CUX1: variants seen among roughly 807,000 people sequenced by gnomAD.
CUX1 encodes protein CASP.
A neutral mutation model predicts 158.8 loss-of-function variants in CUX1; 31 were observed. That is an observed-to-expected ratio of 0.20 (90% confidence interval 0.15 to 0.26). CUX1 has a LOEUF of 0.26. Ranked by LOEUF, CUX1 falls within the 10% of genes least tolerant of loss-of-function variation. The probability of loss-of-function intolerance (pLI) is 1.00; values close to 1 mark genes in which losing one functional copy is unlikely to be tolerated. For synonymous variants in CUX1, 879 were observed against 862.1 expected (o/e 1.02, Z -0.34); for missense variants, 1,589 against 2,014.6 (o/e 0.79, Z 4.04).
chr7:101,977,965 GT>G (rs1270750003), intron 2 of CUX1, among the ~76,000 whole-genome samples: 6 of 147,724 alleles, frequency 4.1e-5, no homozygotes, highest in Non-Finnish European at 7.5e-5. Flanking sequence ...TTCTTAAAAC[GT>G]TTTTTTTTTC....
chr7:102,220,013 G>C (rs782463010), intron 20 of CUX1, among the ~76,000 whole-genome samples: 9 of 152,192 alleles, frequency 5.9e-5, no homozygotes, highest in Non-Finnish European at 1.0e-4. Flanking sequence ...GGTCATGCAA[G>C]GGTGTCTCAT....
intron 11 of CUX1, among the ~76,000 whole-genome samples, chr7:102,182,902 G>T (rs1554514423): frequency 6.6e-6 from 1 of 152,190 alleles, no homozygotes; most frequent in African/African-American, 2.4e-5. Flanking sequence ...TCTCCCAGAA[G>T]GAGAAATTAT....
chr7:102,243,117 T>C (rs1340649223), intron 23 of CUX1, among the ~76,000 whole-genome samples: 3 of 151,746 alleles, frequency 2.0e-5, no homozygotes, highest in Admixed American at 6.6e-5. Flanking sequence ...CTACTAAAAA[T>C]ACAAAAATTA....
intron 1 of CUX1, among the ~76,000 whole-genome samples, chr7:101,898,463 G>A (rs987726732): frequency 1.3e-5 from 2 of 152,092 alleles, no homozygotes; most frequent in African/African-American, 4.8e-5. Flanking sequence ...TGCCAGGCTC[G>A]TAATTCCCTC....
At chr7:102,171,892 T>C in intron 10 of CUX1, among the ~76,000 whole-genome samples, 1 of 152,216 alleles carries the variant, frequency 6.6e-6, no homozygotes, top group East Asian at 1.9e-4. Flanking sequence ...ATATCAGTTG[T>C]AGGAGTCCTT....
chr7:102,027,489 T>C (rs1820180364), intron 2 of CUX1, among the ~76,000 whole-genome samples: 1 of 152,170 alleles, frequency 6.6e-6, no homozygotes, highest in African/African-American at 2.4e-5. Context: ...TTATCTCACT[T>C]AGACTGACAT....
rs192728763 is a variant in CUX1, at chr7:101,835,206, T to A, written c.30+17537T>A. On this transcript the variant is annotated intron_variant, in intron 1 of 23. Transcript: ENST00000292535. ...CGTAACCATTCATCTATTCTCTGCATCTATTCTCTGCCTCCATGCGTCTCG... is the reference window on the plus strand; with the variant it reads ...CGTAACCATTCATCTATTCTCTGCAACTATTCTCTGCCTCCATGCGTCTCG... Among the ~76,000 whole-genome samples, 8 of 152,232 alleles carry A rather than the reference T, an allele frequency of 5.3e-5. No homozygotes were observed. The East Asian group carries it at 1.4e-3, about 26-fold the overall frequency.
At chr7:102,196,540 C>G in intron 14 of CUX1, 94 bp from the exon 15 acceptor site, 3 of 1,238,178 alleles carry the variant, frequency 2.4e-6, no homozygotes, top group Non-Finnish European at 3.3e-6. Flanking sequence ...TTTTGTTTTC[C>G]CTTTTGCGGG....
chr7:101,976,071 T>C (rs905736498), intron 2 of CUX1, among the ~76,000 whole-genome samples: 12 of 151,392 alleles, frequency 7.9e-5, no homozygotes, highest in African/African-American at 2.9e-4. Flanking sequence ...AGGTGAAGAT[T>C]GCAGTGAGCC....
intron 6 of CUX1, among the ~76,000 whole-genome samples, chr7:102,106,088 T>C (rs1395525722): frequency 2.4e-5 from 3 of 126,628 alleles, no homozygotes; most frequent in African/African-American, 9.2e-5. Flanking sequence ...TCTTTTTTTT[T>C]TTTTTTTTTT....
chr7:102,171,719 A>C (rs1791740053), intron 10 of CUX1, among the ~76,000 whole-genome samples: 1 of 151,958 alleles, frequency 6.6e-6, no homozygotes, highest in African/African-American at 2.4e-5. Context: ...GAGTGCTGGG[A>C]TTACAGGCAT....
In CUX1 at chr7:102,021,401, T is replaced by A. The variant is rs567234181; in HGVS notation, c.142-6697T>A. On this transcript the variant is annotated intron_variant, in intron 2 of 23. Transcript: ENST00000292535. ...ATAGCTCACTGCCATCCCAAACTCCTAGGCTCAAGCCATCCTCCACCTCAG... is the reference window on the plus strand; with the variant it reads ...ATAGCTCACTGCCATCCCAAACTCCAAGGCTCAAGCCATCCTCCACCTCAG... Among the ~76,000 whole-genome samples, 5 of 152,042 alleles carry A rather than the reference T, an allele frequency of 3.3e-5. 1 individual carries two copies. Among genetic ancestry groups the A allele is most frequent in the Admixed American group, 1.3e-4 (2 of 15,228 alleles).
chr7:102,088,928 G>A (rs1828242345), intron 4 of CUX1, among the ~76,000 whole-genome samples: 1 of 152,008 alleles, frequency 6.6e-6, no homozygotes, highest in African/African-American at 2.4e-5. Context: ...GGAACATTTT[G>A]CCACTGTTTC....
At chr7:102,066,982 T>C (rs1055326948) in intron 3 of CUX1, among the ~76,000 whole-genome samples, 1 of 152,214 alleles carries the variant, frequency 6.6e-6, no homozygotes, top group African/African-American at 2.4e-5. Flanking sequence ...TTGATTGAGA[T>C]ATAATTCACA....
chr7:102,273,579 T>C (rs1791390130), intron 15 of CUX1: 1 of 1,502,816 alleles, frequency 6.7e-7, no homozygotes, highest in African/African-American at 1.4e-5. Context: ...CAGATTAGCC[T>C]GTGTATCAGG....
chr7:102,040,732 C>T (rs1249073864), intron 3 of CUX1, among the ~76,000 whole-genome samples: 1 of 152,178 alleles, frequency 6.6e-6, no homozygotes, highest in African/African-American at 2.4e-5. Context: ...AAAGCCAGGG[C>T]GTCCATGTGG....
At chr7:102,170,247 C>G (rs782032161) in intron 9 of CUX1, among the ~76,000 whole-genome samples, 199 bp from the exon 10 acceptor site, 1 of 152,212 alleles carries the variant, frequency 6.6e-6, no homozygotes, top group Non-Finnish European at 1.5e-5. Context: ...CTGTCATAAT[C>G]GCTCAATTAT....
At chr7:102,080,008 C>T (rs1185883516) in intron 4 of CUX1, among the ~76,000 whole-genome samples, 2 of 152,210 alleles carry the variant, frequency 1.3e-5, no homozygotes, top group Non-Finnish European at 2.9e-5. Flanking sequence ...GGGGCTCAAT[C>T]CGCCTCTCCA....
At chr7:102,143,249 A>G (rs1834654468) in intron 8 of CUX1, among the ~76,000 whole-genome samples, 1 of 152,006 alleles carries the variant, frequency 6.6e-6, no homozygotes, top group South Asian at 2.1e-4. Flanking sequence ...TTTTCTTCCC[A>G]TTCTCTGTTC....
Sources: gnomAD v4.1 joint callset for allele counts (sites outside exome capture counted in the v4.1 genomes callset) on GRCh38, gnomAD v4.1.1 for gene constraint, MANE v1.5 for transcripts, NCBI Gene and HGNC (gene_info 2026-07-23, HGNC 2026-07-21) for gene names.